RANBP2: variants seen among roughly 807,000 people sequenced by gnomAD.
RANBP2 encodes E3 SUMO-protein ligase RanBP2.
A neutral mutation model predicts 303.6 loss-of-function variants in RANBP2; 57 were observed. That is an observed-to-expected ratio of 0.19 (90% CI 0.15 to 0.23). The LOEUF is 0.23. Among genes scored for constraint, RANBP2 ranks in the 10% least tolerant of loss-of-function variants. The pLI is 1.00. For synonymous variants in RANBP2, 1,167 were observed against 1,301.5 expected (o/e 0.90, Z 2.23); for missense variants, 3,138 against 3,780.8 (o/e 0.83, Z 4.46).
At chr2:109,603,048 G>A in the RANBP2 span, among the ~76,000 whole-genome samples, 1 of 151,644 alleles carries the variant, frequency 6.6e-6, no homozygotes, top group Non-Finnish European at 1.5e-5. Flanking sequence ...TCCAGCCTGG[G>A]CAACAGAGCA....
the RANBP2 span, among the ~76,000 whole-genome samples, chr2:108,799,244 T>C: frequency 2.0e-5 from 3 of 152,208 alleles, no homozygotes; most frequent in African/African-American, 7.2e-5. Flanking sequence ...AGACAAAATA[T>C]TTTTGGCAAG....
At chr2:109,647,887 A>G in the RANBP2 span, among the ~76,000 whole-genome samples, 2 of 152,244 alleles carry the variant, frequency 1.3e-5, no homozygotes, top group Non-Finnish European at 2.9e-5. Context: ...GAGAACAAGC[A>G]TCATTCCACA....
At chr2:109,419,289 C>T in the RANBP2 span, among the ~76,000 whole-genome samples, 1 of 152,132 alleles carries the variant, frequency 6.6e-6, no homozygotes, top group Admixed American at 6.5e-5. Context: ...TGCTGACCAG[C>T]CTAGATGCAG....
chr2:109,093,328 C>T, the RANBP2 span, among the ~76,000 whole-genome samples: 1 of 151,092 alleles, frequency 6.6e-6, no homozygotes, highest in Non-Finnish European at 1.5e-5. Context: ...GTTCCCCACC[C>T]CCACAACCAA....
chr2:108,783,982 C>G lies in RANBP2; in HGVS notation c.*81C>G. 7.3e-7 allele frequency: 1 copy of G among 1,361,448 alleles called. No individual in the cohort carries two copies. The highest frequency in any genetic ancestry group is 2.1e-5 in the Admixed American group (1 of 46,554). The allele number at this position is 1,361,448 out of a possible 1,614,324, so 84.3% of individuals were successfully genotyped here. A position where few individuals can be genotyped will look rare whatever the true frequency, so the allele number is the denominator to read the frequency against. The stretch of plus-strand genomic sequence containing the variant: ...GCTATTACAATTTGATAGTTATGTT[C>G]AGCTTTTGAAAATGGACGTTTCCGA... On this transcript the variant is annotated 3_prime_UTR_variant, in exon 29 of 29. Transcript: ENST00000283195.
the RANBP2 span, among the ~76,000 whole-genome samples, chr2:109,416,095 C>T: frequency 2.0e-5 from 3 of 152,292 alleles, no homozygotes; most frequent in Admixed American, 2.0e-4. Context: ...TCTCAGTCTC[C>T]AGAACTATAA....
the RANBP2 span, among the ~76,000 whole-genome samples, chr2:109,705,331 G>A: frequency 4.6e-5 from 7 of 151,466 alleles, no homozygotes; most frequent in South Asian, 2.1e-4. Context: ...GCTTGAACCC[G>A]GGAAGTGGAG....
the RANBP2 span, among the ~76,000 whole-genome samples, chr2:109,476,438 A>G: frequency 6.6e-6 from 1 of 152,218 alleles, no homozygotes; most frequent in Non-Finnish European, 1.5e-5. Flanking sequence ...GGGAGGTAGT[A>G]GTACTCAAAT....
chr2:109,710,955 A>G, the RANBP2 span, among the ~76,000 whole-genome samples: 31 of 152,066 alleles, frequency 2.0e-4, no homozygotes, highest in Non-Finnish European at 4.1e-4. Flanking sequence ...ACATTCTCTC[A>G]GGTGGAGATG....
chr2:109,545,244 C>T, the RANBP2 span: 1 of 1,359,292 alleles, frequency 7.4e-7, no homozygotes. Context: ...TGATGAATTT[C>T]CTCAAGAGCC....
intron 2 of RANBP2, 137 bp from the exon 3 acceptor site, chr2:108,730,637 C>A (rs1040036123): frequency 3.1e-4 from 375 of 1,220,784 alleles, no homozygotes; most frequent in Non-Finnish European, 4.3e-4. Flanking sequence ...TCTGAGTTAT[C>A]TGTATGAATA....
the RANBP2 span, chr2:109,437,142 A>T: frequency 6.2e-7 from 1 of 1,609,120 alleles, no homozygotes; most frequent in Non-Finnish European, 8.5e-7. Context: ...GCACCATTTC[A>T]ACAGGTACCT....
the RANBP2 span, among the ~76,000 whole-genome samples, chr2:109,245,617 T>C: frequency 6.6e-6 from 1 of 152,246 alleles, no homozygotes; most frequent in Non-Finnish European, 1.5e-5. Context: ...TAAGTCTATA[T>C]ATAAAATAAC....
At chr2:109,104,582 C>T in the RANBP2 span, among the ~76,000 whole-genome samples, 1 of 151,618 alleles carries the variant, frequency 6.6e-6, no homozygotes, top group African/African-American at 2.4e-5. Flanking sequence ...CTCCCGGGTT[C>T]GTGCCATTCT....
the RANBP2 span, among the ~76,000 whole-genome samples, chr2:109,052,595 A>C: frequency 2.6e-5 from 4 of 152,248 alleles, no homozygotes; most frequent in Non-Finnish European, 5.9e-5. Flanking sequence ...GAGGCATTTC[A>C]AAATACGAAA....
chr2:109,695,635 A>G, the RANBP2 span, among the ~76,000 whole-genome samples: 16 of 152,168 alleles, frequency 1.1e-4, no homozygotes, highest in African/African-American at 3.9e-4. Flanking sequence ...GATAGAAATT[A>G]ATGATTTTTG....
chr2:109,713,051 G>A, the RANBP2 span, among the ~76,000 whole-genome samples: 1 of 152,114 alleles, frequency 6.6e-6, no homozygotes, highest in Admixed American at 6.5e-5. Flanking sequence ...GGGAGGGCCA[G>A]CCCAGCCCTG....
At chr2:109,584,785 C>T in the RANBP2 span, among the ~76,000 whole-genome samples, 1 of 151,946 alleles carries the variant, frequency 6.6e-6, no homozygotes, top group East Asian at 1.9e-4. Context: ...TCTTATATGT[C>T]TTGTATTTTT....
At chr2:109,574,024 C>T in the RANBP2 span, among the ~76,000 whole-genome samples, 1 of 152,142 alleles carries the variant, frequency 6.6e-6, no homozygotes, top group Non-Finnish European at 1.5e-5. Context: ...CATGTTCTGG[C>T]ATGCAATTTA....
Sources: gnomAD v4.1 joint callset for allele counts (sites outside exome capture counted in the v4.1 genomes callset) on GRCh38, gnomAD v4.1.1 for gene constraint, MANE v1.5 for transcripts, NCBI Gene and HGNC (gene_info 2026-07-23, HGNC 2026-07-21) for gene names.